Variants in MEPE observed in about 807,000 individuals in gnomAD.
The protein encoded by MEPE is matrix, extracellular phosphoglycoprotein with ASARM motif (bone).
Under a neutral mutation model 7.3 loss-of-function variants are expected in MEPE, and 7 were observed. The observed-to-expected ratio is 0.95, with a 90% CI of 0.54 to 1.79. The LOEUF (loss-of-function observed/expected upper bound fraction) is 1.79. Ranked by LOEUF, MEPE falls within the 40% of genes most tolerant of loss-of-function variation. The probability of loss-of-function intolerance (pLI) is 0.00; values close to 1 mark genes in which losing one functional copy is unlikely to be tolerated. For missense variants in MEPE, 623 were observed against 628.2 expected (o/e 0.99, Z 0.09); for synonymous variants, 214 against 213.1 (o/e 1.00, Z -0.04).
intron 3 of MEPE, chr4:87,839,820 T>A: frequency 6.5e-7 from 1 of 1,545,214 alleles, no homozygotes; most frequent in Non-Finnish European, 8.8e-7. Context: ...ATGACTAAAC[T>A]CTGGACTAGC....
chr4:87,831,238 T>C (rs967581717), upstream of MEPE, among the ~76,000 whole-genome samples: 4 of 152,196 alleles, frequency 2.6e-5, no homozygotes, highest in East Asian at 3.8e-4. Flanking sequence ...TATTCTAGTA[T>C]AGGTTTGTTA....
At chr4:87,822,230 A>G (rs1722355189) in intron 1 of MEPE, among the ~76,000 whole-genome samples, 1 of 152,092 alleles carries the variant, frequency 6.6e-6, no homozygotes, top group Non-Finnish European at 1.5e-5. Flanking sequence ...TTGGCGTATT[A>G]TTTCATATTT....
At chr4:87,834,806 T>G in intron 2 of MEPE, 38 bp downstream of exon 2, 1 of 1,537,244 alleles carries the variant, frequency 6.5e-7, no homozygotes. Context: ...TCAGATAATC[T>G]CTTGCTCTCT....
At chr4:87,824,944 C>A (rs1220701977) in intron 1 of MEPE, among the ~76,000 whole-genome samples, 1 of 152,150 alleles carries the variant, frequency 6.6e-6, no homozygotes, top group Admixed American at 6.5e-5. Flanking sequence ...ACCTCCCAGG[C>A]TCAGGTGATC....
upstream of MEPE, among the ~76,000 whole-genome samples, chr4:87,830,393 C>T (rs1722568941): frequency 6.6e-6 from 1 of 152,102 alleles, no homozygotes; most frequent in Non-Finnish European, 1.5e-5. Flanking sequence ...GAATATTATG[C>T]AGCTATAAAA....
chr4:87,838,913 G>A (rs1722902054), intron 3 of MEPE, among the ~76,000 whole-genome samples: 2 of 152,226 alleles, frequency 1.3e-5, no homozygotes, highest in African/African-American at 2.4e-5. Context: ...TCCCCAGTAT[G>A]ATTTCTTCCT....
chr4:87,825,487 T>A (rs1330306504), intron 1 of MEPE, among the ~76,000 whole-genome samples: 3 of 152,158 alleles, frequency 2.0e-5, no homozygotes, highest in Non-Finnish European at 2.9e-5. Flanking sequence ...TATTCTGCAA[T>A]GTGAGGCTGC....
At chr4:87,838,710 TAA>T in intron 3 of MEPE, 25 bp downstream of exon 3, 1 of 1,604,188 alleles carries the variant, frequency 6.2e-7, no homozygotes, top group Non-Finnish European at 8.5e-7. Flanking sequence ...TCTTTTCAAA[TAA>T]CTCTATTTCA....
At chr4:87,844,859 G>T in intron 3 of MEPE, 118 bp from the exon 4 acceptor site, 2 of 771,298 alleles carry the variant, frequency 2.6e-6, no homozygotes, top group East Asian at 2.9e-5. Context: ...AACCTCTATT[G>T]AGTTAATAGA....
At chr4:87,829,863 T>TC, upstream of MEPE, among the ~76,000 whole-genome samples, 1 of 108,408 alleles carries the variant, frequency 9.2e-6, no homozygotes, top group South Asian at 3.0e-4. Flanking sequence ...ATCACCCAAA[T>TC]CCTTTTTTTT....
intron 3 of MEPE, among the ~76,000 whole-genome samples, 170 bp from the exon 4 acceptor site, chr4:87,844,807 A>G (rs1211469084): frequency 1.3e-5 from 2 of 152,176 alleles, no homozygotes; most frequent in African/African-American, 4.8e-5. Context: ...TTCTTTCTCC[A>G]TGAAACCTGA....
intron 3 of MEPE, 43 bp downstream of exon 3, chr4:87,838,728 A>G (rs567061562): frequency 5.7e-6 from 9 of 1,567,026 alleles, no homozygotes; most frequent in Middle Eastern, 1.7e-4. Flanking sequence ...TTTCAGCTCT[A>G]TAAAGAAAAA....
chr4:87,827,783 A>G (rs1188798125), intron 1 of MEPE, among the ~76,000 whole-genome samples: 1 of 152,250 alleles, frequency 6.6e-6, no homozygotes, highest in African/African-American at 2.4e-5. Flanking sequence ...TGCTTGTAAT[A>G]GAGGAATGGG....
intron 3 of MEPE, among the ~76,000 whole-genome samples, chr4:87,841,614 C>CA (rs146838250): frequency 0.029 from 4,348 of 152,248 alleles, 206 homozygotes; most frequent in African/African-American, 0.097. Context: ...GCTGATTCAA[C>CA]ATTTCCGCCT....
In MEPE at chr4:87,845,532, T is replaced by C. The variant is rs1723196049; in HGVS notation, c.664T>C (p.Tyr222His). The change falls in exon 4 of 4, where the codon TAC (tyrosine) becomes CAC (histidine). Residue 222 changes from tyrosine to histidine, a missense_variant. Transcript: ENST00000361056. ...CCATCGTATTCAACACAACATTGAC[T>C]ACCTAAAACATCTCTCAAAAGTCAA... ...STHRIQHNID[Y>H]LKHLSKVKKI... is the part of the protein sequence containing the mutation. 4.3e-6 allele frequency: 7 copies of C among 1,612,076 alleles called. No homozygotes were observed. Among genetic ancestry groups the C allele is most frequent in the Non-Finnish European group, 5.9e-6 (7 of 1,179,514 alleles).
At chr4:87,824,102 T>G (rs1722406777) in intron 1 of MEPE, among the ~76,000 whole-genome samples, 1 of 152,226 alleles carries the variant, frequency 6.6e-6, no homozygotes, top group Admixed American at 6.5e-5. Context: ...TCTTATCTCT[T>G]TTTAAAATAT....
intron 2 of MEPE, among the ~76,000 whole-genome samples, chr4:87,836,047 G>A (rs1468112135): frequency 6.6e-6 from 1 of 152,088 alleles, no homozygotes; most frequent in Non-Finnish European, 1.5e-5. Context: ...GGGGACAAGG[G>A]AGGGATGCGT....
intron 3 of MEPE, among the ~76,000 whole-genome samples, chr4:87,842,176 T>C (rs988240499): frequency 6.6e-6 from 1 of 152,172 alleles, no homozygotes; most frequent in Non-Finnish European, 1.5e-5. Context: ...TCGTGAGTAC[T>C]GGACTGAGGG....
chr4:87,822,901 G>T (rs1306120960), intron 1 of MEPE, among the ~76,000 whole-genome samples: 1 of 152,204 alleles, frequency 6.6e-6, no homozygotes, highest in African/African-American at 2.4e-5. Flanking sequence ...ACTTTGCCAA[G>T]ACTCAGGTTG....
Sources: allele counts gnomAD v4.1 joint callset (sites outside exome capture counted in the v4.1 genomes callset), GRCh38; gene constraint gnomAD v4.1.1; transcripts MANE v1.5; gene names NCBI Gene and HGNC (gene_info 2026-07-23, HGNC 2026-07-21).